The following DYM variants were observed in gnomAD, a reference collection of about 807,000 sequenced individuals.
DYM encodes dymeclin.
Under a neutral mutation model 93.1 loss-of-function variants are expected in DYM, and 78 were observed. The ratio of observed to expected loss-of-function variants is 0.84; its 90% CI spans 0.70 to 1.01. The LOEUF (loss-of-function observed/expected upper bound fraction) is 1.01, where lower values mean the gene tolerates loss of function less well. Among genes scored for constraint, DYM ranks in the 50% least tolerant of loss-of-function variants. The pLI is 0.00. For missense variants in DYM, 789 were observed against 845.0 expected (o/e 0.93, Z 0.82); for synonymous variants, 321 against 319.7 (o/e 1.00, Z -0.04).
chr18:49,425,735 G>A (rs1400874106), intron 2 of DYM, among the ~76,000 whole-genome samples: 1 of 152,186 alleles, frequency 6.6e-6, no homozygotes, highest in African/African-American at 2.4e-5. Flanking sequence ...AGTAGGCAAA[G>A]GGTATGAACA....
chr18:49,069,130 G>C (rs565406676), intron 17 of DYM, among the ~76,000 whole-genome samples: 1 of 152,186 alleles, frequency 6.6e-6, no homozygotes. Context: ...GGGATGATGC[G>C]TGAGTTAAAT....
At chr18:49,382,199 T>C (rs967693770) in intron 3 of DYM, among the ~76,000 whole-genome samples, 5 of 152,218 alleles carry the variant, frequency 3.3e-5, no homozygotes, top group African/African-American at 1.2e-4. Flanking sequence ...TTGATTGATG[T>C]AATTAAAGCG....
intron 11 of DYM, among the ~76,000 whole-genome samples, chr18:49,266,397 T>C (rs372186222): frequency 1.3e-5 from 2 of 152,102 alleles, no homozygotes; most frequent in South Asian, 2.1e-4. Context: ...AGGCAAATCA[T>C]TTGAGACCAG....
intron 17 of DYM, among the ~76,000 whole-genome samples, chr18:49,047,698 CTG>C (rs926765294): frequency 1.6e-4 from 25 of 152,252 alleles, no homozygotes; most frequent in African/African-American, 5.8e-4. Context: ...TCCTCATACA[CTG>C]TGTTGATTCC....
intron 5 of DYM, among the ~76,000 whole-genome samples, chr18:49,377,499 G>A (rs1660839685): frequency 6.6e-6 from 1 of 152,152 alleles, no homozygotes; most frequent in Admixed American, 6.5e-5. Flanking sequence ...GGCAGAGGCT[G>A]CAGTGAGCCA....
intron 8 of DYM, among the ~76,000 whole-genome samples, chr18:49,309,964 A>G (rs537035998): frequency 7.9e-5 from 12 of 152,342 alleles, no homozygotes; most frequent in South Asian, 2.1e-4. Context: ...ATAATGGTTC[A>G]GTGTATAGCC....
chr18:49,099,681 C>G (rs2079927169), intron 16 of DYM, among the ~76,000 whole-genome samples: 1 of 152,080 alleles, frequency 6.6e-6, no homozygotes. Context: ...TGGGTAATTA[C>G]AGATTACTAA....
At chr18:49,145,977 T>A (rs528138990) in intron 15 of DYM, among the ~76,000 whole-genome samples, 1 of 152,292 alleles carries the variant, frequency 6.6e-6, no homozygotes, top group South Asian at 2.1e-4. Context: ...TATAACTCCC[T>A]AGTCCCCTTA....
intron 6 of DYM, among the ~76,000 whole-genome samples, chr18:49,335,691 T>C (rs536477198): frequency 3.3e-5 from 5 of 152,302 alleles, no homozygotes; most frequent in African/African-American, 1.2e-4. Context: ...TGGCTAGGCT[T>C]TTCACCTGGG....
At chr18:49,347,064 A>G (rs1161225476) in intron 6 of DYM, among the ~76,000 whole-genome samples, 1 of 152,226 alleles carries the variant, frequency 6.6e-6, no homozygotes, top group Non-Finnish European at 1.5e-5. Flanking sequence ...CTGTACTGAA[A>G]GTGAAAAATA....
chr18:49,395,410 A>G (rs1054199732), intron 2 of DYM, among the ~76,000 whole-genome samples: 3 of 152,108 alleles, frequency 2.0e-5, no homozygotes, highest in Admixed American at 1.3e-4. Context: ...CAGGAGGATC[A>G]CCTGACGTTG....
intron 17 of DYM, among the ~76,000 whole-genome samples, chr18:49,089,474 T>C (rs112505566): frequency 5.9e-5 from 9 of 152,226 alleles, no homozygotes; most frequent in African/African-American, 1.9e-4. Context: ...TTCTCTGTCT[T>C]TTGTAGGGAA....
chr18:49,251,719 T>C (rs974585882), intron 13 of DYM, among the ~76,000 whole-genome samples: 7 of 152,094 alleles, frequency 4.6e-5, no homozygotes, highest in Admixed American at 2.0e-4. Flanking sequence ...AACTGCTGCA[T>C]AGAGAAGGTA....
At chr18:49,194,087 G>A (rs748947146) in intron 14 of DYM, among the ~76,000 whole-genome samples, 5 of 152,146 alleles carry the variant, frequency 3.3e-5, no homozygotes, top group Non-Finnish European at 7.4e-5. Context: ...TCCATATACG[G>A]AAACCCTGTA....
chr18:49,086,440 C>G (rs763507467), intron 17 of DYM, among the ~76,000 whole-genome samples: 3 of 152,210 alleles, frequency 2.0e-5, no homozygotes, highest in Non-Finnish European at 4.4e-5. Context: ...GCAGAGCCCT[C>G]ATGATCCAAT....
At chr18:49,087,789 T>C (rs1383097013) in intron 17 of DYM, among the ~76,000 whole-genome samples, 1 of 152,112 alleles carries the variant, frequency 6.6e-6, no homozygotes, top group African/African-American at 2.4e-5. Context: ...TGTTGTTTCC[T>C]GACTTTTTAA....
intron 17 of DYM, among the ~76,000 whole-genome samples, chr18:49,047,500 C>T (rs757824775): frequency 1.3e-5 from 2 of 152,164 alleles, no homozygotes; most frequent in African/African-American, 4.8e-5. Context: ...TTCAATGAGG[C>T]CCCAGCTTTA....
At chr18:49,448,141 G>A (rs772467022) in intron 1 of DYM, among the ~76,000 whole-genome samples, 1 of 152,236 alleles carries the variant, frequency 6.6e-6, no homozygotes, top group South Asian at 2.1e-4. Flanking sequence ...TTCTGTAAAT[G>A]AGAAAACTCT....
chr18:49,327,463 C>T (rs575407604), intron 8 of DYM, among the ~76,000 whole-genome samples: 3 of 152,138 alleles, frequency 2.0e-5, no homozygotes, highest in Non-Finnish European at 4.4e-5. Flanking sequence ...CTCAAGCGAA[C>T]TACCCACTTC....
Sources: allele counts gnomAD v4.1 joint callset (sites outside exome capture counted in the v4.1 genomes callset), GRCh38; gene constraint gnomAD v4.1.1; transcripts MANE v1.5; gene names NCBI Gene and HGNC (gene_info 2026-07-23, HGNC 2026-07-21).